The following NUBPL variants were observed in gnomAD, a reference collection of about 807,000 sequenced individuals.
NUBPL encodes NUBP iron-sulfur cluster assembly factor, mitochondrial.
In NUBPL, 31 loss-of-function variants were observed where a neutral mutation model predicts 45.7. The observed-to-expected ratio is 0.68, with a 90% CI of 0.51 to 0.92. The LOEUF is 0.92. Ranked by LOEUF, NUBPL falls within the 40% of genes least tolerant of loss-of-function variation. The pLI is 0.00. For synonymous variants in NUBPL, 144 were observed against 140.9 expected (o/e 1.02, Z -0.15); for missense variants, 401 against 398.7 (o/e 1.01, Z -0.05).
chr14:31,819,367 T>C (rs1044690086), intron 7 of NUBPL, among the ~76,000 whole-genome samples: 1 of 152,216 alleles, frequency 6.6e-6, no homozygotes, highest in Non-Finnish European at 1.5e-5. Context: ...TTTGACTTTA[T>C]ATTGGTGTGC....
intron 4 of NUBPL, among the ~76,000 whole-genome samples, chr14:31,613,563 T>G (rs1470997564): frequency 6.6e-6 from 1 of 151,974 alleles, no homozygotes; most frequent in African/African-American, 2.4e-5. Flanking sequence ...GTTCAAGCAA[T>G]TCTTCTGTTT....
intron 6 of NUBPL, among the ~76,000 whole-genome samples, chr14:31,696,215 C>T (rs1224721529): frequency 6.6e-6 from 1 of 152,184 alleles, no homozygotes; most frequent in Non-Finnish European, 1.5e-5. Flanking sequence ...TATAGCTGAG[C>T]TAGATTATAT....
At chr14:31,578,080 C>T (rs781765363) in intron 3 of NUBPL, 85 of 765,502 alleles carry the variant, frequency 1.1e-4, no homozygotes, top group Middle Eastern at 2.7e-4. Flanking sequence ...GTTTTGAATG[C>T]ATTACTGGGT....
intron 7 of NUBPL, among the ~76,000 whole-genome samples, chr14:31,812,484 A>G (rs574390303): frequency 1.3e-5 from 2 of 152,288 alleles, no homozygotes; most frequent in Admixed American, 6.5e-5. Context: ...TGCTGAGTCC[A>G]TTGGAAAAGC....
At chr14:31,843,091 C>T (rs7146383) in intron 8 of NUBPL, among the ~76,000 whole-genome samples, 24,929 of 152,148 alleles carry the variant, frequency 0.16, 6,075 homozygotes, top group African/African-American at 0.53. Context: ...CTCTGTATTG[C>T]ATCGTTCTCT....
intron 6 of NUBPL, among the ~76,000 whole-genome samples, chr14:31,702,830 T>TGTTTCATCTGTTTCATCTGTTTCATCTG (rs2037368551): frequency 6.6e-6 from 1 of 152,252 alleles, no homozygotes; most frequent in Non-Finnish European, 1.5e-5. Context: ...AATTTTCATC[T>TGTTTCATCTGTTTCATCTGTTTCATCTG]TTATGCTGTT....
At chr14:31,697,197 A>G (rs1477813652) in intron 6 of NUBPL, among the ~76,000 whole-genome samples, 5 of 152,246 alleles carry the variant, frequency 3.3e-5, no homozygotes, top group Non-Finnish European at 7.3e-5. Context: ...TGACAAAAGT[A>G]GGAAGCATGC....
intron 6 of NUBPL, among the ~76,000 whole-genome samples, chr14:31,719,777 A>G (rs1332066804): frequency 6.6e-6 from 1 of 152,212 alleles, no homozygotes; most frequent in Admixed American, 6.5e-5. Context: ...GTAAGCCACT[A>G]TTAATTTTTT....
At chr14:31,745,851 A>C (rs1191064486) in intron 6 of NUBPL, among the ~76,000 whole-genome samples, 1 of 151,962 alleles carries the variant, frequency 6.6e-6, no homozygotes, top group Non-Finnish European at 1.5e-5. Context: ...ATGATAAGGA[A>C]CGCTGAAAAC....
At chr14:31,666,361 T>C (rs904775036) in intron 4 of NUBPL, among the ~76,000 whole-genome samples, 15 of 150,910 alleles carry the variant, frequency 9.9e-5, no homozygotes, top group African/African-American at 3.4e-4. Context: ...GCCTCCCGGG[T>C]TCAAACAATT....
intron 7 of NUBPL, among the ~76,000 whole-genome samples, chr14:31,822,378 GGACTAAA>G (rs1384007404): frequency 6.6e-6 from 1 of 151,854 alleles, no homozygotes; most frequent in African/African-American, 2.4e-5. Flanking sequence ...GCTAGATTAA[GGACTAAA>G]TTTAGTTTTA....
chr14:31,769,662 T>TTA (rs563706021), intron 6 of NUBPL, among the ~76,000 whole-genome samples: 11 of 149,158 alleles, frequency 7.4e-5, no homozygotes, highest in African/African-American at 1.7e-4. Context: ...TCCTTTTTTT[T>TTA]AAAAAAAAAA....
At chr14:31,822,247 A>T (rs895686542) in intron 7 of NUBPL, among the ~76,000 whole-genome samples, 1 of 152,156 alleles carries the variant, frequency 6.6e-6, no homozygotes, top group Admixed American at 6.5e-5. Flanking sequence ...CCCATTTTAC[A>T]TGATGTGGTT....
chr14:31,568,474 A>G (rs1190091078), intron 3 of NUBPL, among the ~76,000 whole-genome samples: 1 of 152,232 alleles, frequency 6.6e-6, no homozygotes, highest in Non-Finnish European at 1.5e-5. Flanking sequence ...AGTTATTTCT[A>G]AACAGAACTA....
chr14:31,613,797 G>T (rs1225258590), intron 4 of NUBPL, among the ~76,000 whole-genome samples: 1 of 151,928 alleles, frequency 6.6e-6, no homozygotes, highest in Non-Finnish European at 1.5e-5. Flanking sequence ...TGCTTGAGAG[G>T]ATGGTACCCT....
intron 6 of NUBPL, among the ~76,000 whole-genome samples, chr14:31,703,954 C>T (rs2037392163): frequency 6.6e-6 from 1 of 152,156 alleles, no homozygotes; most frequent in South Asian, 2.1e-4. Context: ...GATAATTGTC[C>T]AGCCACCACC....
At chr14:31,638,325 T>G (rs962628506) in intron 4 of NUBPL, among the ~76,000 whole-genome samples, 1 of 151,796 alleles carries the variant, frequency 6.6e-6, no homozygotes, top group Non-Finnish European at 1.5e-5. Flanking sequence ...CTGTAAAGGA[T>G]TTTATTTCTC....
intron 8 of NUBPL, among the ~76,000 whole-genome samples, chr14:31,839,571 T>C (rs563564954): frequency 6.6e-6 from 1 of 152,198 alleles, no homozygotes; most frequent in East Asian, 1.9e-4. Flanking sequence ...TTTTTCTGGA[T>C]AGACAAAATA....
chr14:31,612,602 A>C (rs1462802307), intron 4 of NUBPL, among the ~76,000 whole-genome samples: 1 of 152,116 alleles, frequency 6.6e-6, no homozygotes. Flanking sequence ...CGGAGGTTGC[A>C]GTGAGCCAAG....
Sources: gnomAD v4.1 joint callset for allele counts (sites outside exome capture counted in the v4.1 genomes callset) on GRCh38, gnomAD v4.1.1 for gene constraint, MANE v1.5 for transcripts, NCBI Gene and HGNC (gene_info 2026-07-23, HGNC 2026-07-21) for gene names.